RNF115: variants seen among roughly 807,000 people sequenced by gnomAD.
RNF115 encodes the protein E3 ubiquitin-protein ligase RNF115.
In RNF115, 31 loss-of-function variants were observed where a neutral mutation model predicts 39.2. The ratio of observed to expected loss-of-function variants is 0.79; its 90% CI spans 0.59 to 1.07. The LOEUF (loss-of-function observed/expected upper bound fraction) is 1.07, where lower values mean the gene tolerates loss of function less well. Among genes scored for constraint, RNF115 ranks in the 50% least tolerant of loss-of-function variants. The probability of loss-of-function intolerance (pLI) is 0.00; values close to 1 mark genes in which losing one functional copy is unlikely to be tolerated. For missense variants in RNF115, 384 were observed against 381.7 expected (o/e 1.01, Z -0.05); for synonymous variants, 124 against 131.0 (o/e 0.95, Z 0.37).
chr1:145,815,162 G>C (rs1318302848), intron 1 of RNF115, among the ~76,000 whole-genome samples: 1 of 152,300 alleles, frequency 6.6e-6, no homozygotes, highest in Admixed American at 6.5e-5. Flanking sequence ...GTTATTGCAA[G>C]TACAATACAA....
rs1553711794 is a variant in RNF115 at position 145,746,789 on chromosome 1, T to TA, written c.*76dup. ...CTTACATATTCCTAAATCCATCTAC[T>TA]AATTTTTTGTTTTGATACAATTTAC... On this transcript the variant is annotated 3_prime_UTR_variant, in exon 9 of 9. Transcript: ENST00000582693. 7.0e-7 allele frequency: 1 copy of TA among 1,432,612 alleles called. No homozygotes were observed. Among genetic ancestry groups the TA allele is most frequent in the African/African-American group, 1.4e-5 (1 of 70,454 alleles). 88.7% of individuals were successfully genotyped at this position (1,432,612 alleles called of 1,614,324 possible).
chr1:145,797,684 A>G (rs587743504), intron 1 of RNF115, among the ~76,000 whole-genome samples: 1 of 152,320 alleles, frequency 6.6e-6, no homozygotes, highest in African/African-American at 2.4e-5. Context: ...TGGATTACAT[A>G]GTAATTCTAT....
intron 2 of RNF115, among the ~76,000 whole-genome samples, chr1:145,787,571 C>CAAAAA (rs1192063003): frequency 3.4e-5 from 3 of 88,890 alleles, no homozygotes; most frequent in African/African-American, 9.0e-5. Flanking sequence ...GACTCCGTCA[C>CAAAAA]AAAAAAAAAA....
rs1553710981 is a variant in RNF115 at position 145,741,522 on chromosome 1, GAC to G, written c.*5342_*5343del. On this transcript the variant is annotated 3_prime_UTR_variant, in exon 9 of 9. Transcript: ENST00000582693. ...CAGTGGCTCGCTGGCTGAATACTGA[GAC>G]ACTGACATTACTGCAGGCTAGGATT... 1 of 152,114 alleles carries G rather than the reference GAC, an allele frequency of 6.6e-6. No homozygotes were observed. Among genetic ancestry groups the G allele is most frequent in the Non-Finnish European group, 1.5e-5 (1 of 68,036 alleles). The allele number at this position is 152,114 out of a possible 1,614,324, so 9.4% of individuals were successfully genotyped here. A position where few individuals can be genotyped will look rare whatever the true frequency, so the allele number is the denominator to read the frequency against.
intron 1 of RNF115, among the ~76,000 whole-genome samples, chr1:145,799,913 T>C (rs1649154146): frequency 6.6e-6 from 1 of 152,224 alleles, no homozygotes; most frequent in Non-Finnish European, 1.5e-5. Context: ...TTTTCATAAA[T>C]ACACTTTGAT....
chr1:145,819,260 A>T (rs1650123746), intron 1 of RNF115, among the ~76,000 whole-genome samples: 1 of 135,868 alleles, frequency 7.4e-6, no homozygotes, highest in African/African-American at 2.7e-5. Context: ...ACATGACGAA[A>T]CCTTATCTCT....
intron 1 of RNF115, among the ~76,000 whole-genome samples, chr1:145,795,303 G>C (rs1161654318): frequency 6.6e-6 from 1 of 152,124 alleles, no homozygotes; most frequent in Non-Finnish European, 1.5e-5. Flanking sequence ...GTGAGCAGCA[G>C]CAAGTTTTAC....
At chr1:145,818,027 T>C (rs1343156102) in intron 1 of RNF115, among the ~76,000 whole-genome samples, 6 of 149,606 alleles carry the variant, frequency 4.0e-5, no homozygotes. Context: ...GTTGATTCCA[T>C]GTCTTTGCTC....
chr1:145,761,818 C>A (rs1012966548), intron 4 of RNF115, among the ~76,000 whole-genome samples: 1 of 152,182 alleles, frequency 6.6e-6, no homozygotes, highest in African/African-American at 2.4e-5. Flanking sequence ...TGCACCAATG[C>A]GCCTGGAAAA....
At chr1:145,776,407 A>C (rs1211329508) in intron 3 of RNF115, among the ~76,000 whole-genome samples, 1 of 151,682 alleles carries the variant, frequency 6.6e-6, no homozygotes, top group Admixed American at 6.6e-5. Flanking sequence ...CAGGAGATCC[A>C]CCTGCCTCGG....
chr1:145,752,592 T>TTTTTTA (rs1658132910), intron 5 of RNF115, among the ~76,000 whole-genome samples: 1 of 138,294 alleles, frequency 7.2e-6, no homozygotes, highest in Admixed American at 7.2e-5. Flanking sequence ...GCTCTTTTTT[T>TTTTTTA]TTTTTTTTTT....
intron 1 of RNF115, among the ~76,000 whole-genome samples, chr1:145,813,543 G>A (rs1649828056): frequency 6.6e-6 from 1 of 152,146 alleles, no homozygotes; most frequent in African/African-American, 2.4e-5. Context: ...CTTACAGTAT[G>A]TAACTTGAGA....
intron 1 of RNF115, among the ~76,000 whole-genome samples, chr1:145,821,998 A>C (rs2101619381): frequency 6.6e-6 from 1 of 151,664 alleles, no homozygotes; most frequent in South Asian, 2.1e-4. Context: ...CAAAAAAAAA[A>C]ACATAAACAC....
chr1:145,774,555 T>C (rs906355024), intron 3 of RNF115, among the ~76,000 whole-genome samples: 1 of 152,142 alleles, frequency 6.6e-6, no homozygotes, highest in Non-Finnish European at 1.5e-5. Context: ...TTCACCATGT[T>C]GGCCAGGCTG....
intron 3 of RNF115, 83 bp downstream of exon 3, chr1:145,784,456 G>T: frequency 8.4e-7 from 1 of 1,193,750 alleles, no homozygotes; most frequent in Non-Finnish European, 1.2e-6. Flanking sequence ...CTGATGTTGT[G>T]CCACACTGGA....
chr1:145,792,578 C>T (rs1451112497), intron 1 of RNF115, among the ~76,000 whole-genome samples: 2 of 152,018 alleles, frequency 1.3e-5, no homozygotes, highest in Non-Finnish European at 1.5e-5. Flanking sequence ...AAATTTAATA[C>T]AATAATTGCT....
At chr1:145,767,547 C>A (rs1194487070) in intron 4 of RNF115, among the ~76,000 whole-genome samples, 3 of 152,028 alleles carry the variant, frequency 2.0e-5, no homozygotes, top group African/African-American at 7.2e-5. Context: ...CAGGCAGAGA[C>A]GCTCCTCACT....
chr1:145,752,744 C>A (rs142975024), intron 5 of RNF115, among the ~76,000 whole-genome samples: 1 of 151,868 alleles, frequency 6.6e-6, no homozygotes, highest in Non-Finnish European at 1.5e-5. Context: ...CATGCCACCA[C>A]GCCTGGCTAA....
intron 4 of RNF115, among the ~76,000 whole-genome samples, chr1:145,762,172 C>G (rs1383347879): frequency 6.6e-6 from 1 of 152,188 alleles, no homozygotes; most frequent in Non-Finnish European, 1.5e-5. Flanking sequence ...TGCCTTATCT[C>G]AGATGAGACT....
Sources: allele counts gnomAD v4.1 joint callset (sites outside exome capture counted in the v4.1 genomes callset), GRCh38; gene constraint gnomAD v4.1.1; transcripts MANE v1.5; gene names NCBI Gene and HGNC (gene_info 2026-07-23, HGNC 2026-07-21).